The following SCHIP1 variants were observed in gnomAD, a reference collection of about 807,000 sequenced individuals.
The protein encoded by SCHIP1 is schwannomin-interacting protein 1.
A neutral mutation model predicts 29.7 loss-of-function variants in SCHIP1; 8 were observed. The ratio of observed to expected loss-of-function variants is 0.27; its 90% CI spans 0.16 to 0.49. SCHIP1 has a LOEUF of 0.49. SCHIP1 is among the 20% of genes least tolerant of loss of function. SCHIP1 has a pLI of 0.99. For missense variants in SCHIP1, 193 were observed against 294.6 expected, an observed-to-expected ratio of 0.66 and a Z score of 2.52; for synonymous variants, 76 against 94.9, an observed-to-expected ratio of 0.80 and a Z score of 1.16.
chr3:159,523,965 T>C, the SCHIP1 span, among the ~76,000 whole-genome samples: 2 of 152,218 alleles, frequency 1.3e-5, no homozygotes, highest in African/African-American at 2.4e-5. Flanking sequence ...ACAGGCATTC[T>C]AGGCCTTGGT....
At position 159,888,949 on chromosome 3, in the gene SCHIP1, T is replaced by C; in HGVS notation, c.589+6T>C. ...TCTCCATTCCCAGATAGAAAGTAAG[T>C]GTAAGATATGCTTGAAAATAGGATA... On this transcript the variant is annotated splice_donor_region_variant and intron_variant, in intron 5 of 6. Transcript: ENST00000445224. The C allele has an allele frequency of 1.9e-6, 3 of 1,613,028 alleles. No individual in the cohort carries two copies.
chr3:159,452,339 C>G, the SCHIP1 span, among the ~76,000 whole-genome samples: 1 of 151,990 alleles, frequency 6.6e-6, no homozygotes, highest in African/African-American at 2.4e-5. Context: ...TGTGATGTTC[C>G]CCTCCCTGTG....
At chr3:159,460,282 C>T in the SCHIP1 span, among the ~76,000 whole-genome samples, 1 of 152,274 alleles carries the variant, frequency 6.6e-6, no homozygotes, top group Non-Finnish European at 1.5e-5. Flanking sequence ...ATCCAGGACA[C>T]ACCCCTGAGG....
chr3:159,453,127 G>T, the SCHIP1 span, among the ~76,000 whole-genome samples: 2 of 152,184 alleles, frequency 1.3e-5, no homozygotes, highest in Non-Finnish European at 2.9e-5. Context: ...TCCAGTTAGG[G>T]TTTCCCAACC....
chr3:159,576,830 C>T, the SCHIP1 span, among the ~76,000 whole-genome samples: 1 of 152,278 alleles, frequency 6.6e-6, no homozygotes, highest in Non-Finnish European at 1.5e-5. Context: ...CTAAGATAGG[C>T]AACTAACCTG....
the SCHIP1 span, among the ~76,000 whole-genome samples, chr3:159,398,592 G>T: frequency 6.6e-6 from 1 of 152,280 alleles, no homozygotes; most frequent in East Asian, 1.9e-4. Context: ...CTATAATCCT[G>T]GTGGTTCTTT....
the SCHIP1 span, among the ~76,000 whole-genome samples, chr3:159,716,398 C>A: frequency 3.3e-5 from 5 of 152,134 alleles, no homozygotes; most frequent in African/African-American, 1.2e-4. Context: ...TCACACATAA[C>A]AATATTAGCC....
intron 1 of SCHIP1, 52 bp from the exon 3 acceptor site, chr3:159,866,111 T>C: frequency 6.6e-7 from 1 of 1,525,344 alleles, no homozygotes; most frequent in Non-Finnish European, 9.1e-7. Context: ...CTGCCTGTGG[T>C]TGTGCTATAT....
the SCHIP1 span, among the ~76,000 whole-genome samples, chr3:159,517,780 T>G: frequency 6.6e-6 from 1 of 152,172 alleles, no homozygotes; most frequent in South Asian, 2.1e-4. Context: ...ACCAACTGAT[T>G]AACATTCAGT....
At chr3:159,510,775 G>T in the SCHIP1 span, among the ~76,000 whole-genome samples, 2 of 152,220 alleles carry the variant, frequency 1.3e-5, no homozygotes. Flanking sequence ...AGAGGCTGCA[G>T]AACAGTGAAT....
At chr3:159,518,707 TG>T in the SCHIP1 span, among the ~76,000 whole-genome samples, 3 of 152,096 alleles carry the variant, frequency 2.0e-5, no homozygotes, top group African/African-American at 7.2e-5. Context: ...CAGATAGAAA[TG>T]TAGGGGTCAG....
At chr3:159,404,072 C>T in the SCHIP1 span, among the ~76,000 whole-genome samples, 4 of 152,150 alleles carry the variant, frequency 2.6e-5, no homozygotes, top group African/African-American at 9.7e-5. Context: ...CCAGTCCTTG[C>T]AGGATCCATA....
the SCHIP1 span, among the ~76,000 whole-genome samples, chr3:159,382,405 A>G: frequency 3.3e-5 from 5 of 150,830 alleles, no homozygotes; most frequent in African/African-American, 4.9e-5. Context: ...ATGATTTCCA[A>G]TTTCATCCAT....
chr3:159,890,649 C>T (rs1717419224), intron 5 of SCHIP1, among the ~76,000 whole-genome samples: 1 of 152,110 alleles, frequency 6.6e-6, no homozygotes, highest in South Asian at 2.1e-4. Flanking sequence ...GCTATTCTTT[C>T]AAGGACTAAA....
chr3:159,854,283 T>G (rs1275700127), intron 1 of SCHIP1, among the ~76,000 whole-genome samples: 1 of 152,176 alleles, frequency 6.6e-6, no homozygotes, highest in Non-Finnish European at 1.5e-5. Flanking sequence ...ATCACTAACT[T>G]TTTTCCCAGG....
the SCHIP1 span, among the ~76,000 whole-genome samples, chr3:159,555,031 C>T: frequency 6.6e-6 from 1 of 152,120 alleles, no homozygotes; most frequent in East Asian, 1.9e-4. Context: ...CAGCACCACA[C>T]ACACATATTA....
At chr3:159,506,866 G>T in the SCHIP1 span, among the ~76,000 whole-genome samples, 1 of 152,170 alleles carries the variant, frequency 6.6e-6, no homozygotes, top group African/African-American at 2.4e-5. Flanking sequence ...TTTTGTTACT[G>T]TAGCCTTGTA....
chr3:159,442,697 G>T, the SCHIP1 span, among the ~76,000 whole-genome samples: 2 of 152,138 alleles, frequency 1.3e-5, no homozygotes, highest in African/African-American at 4.8e-5. Context: ...CATGGAGGGA[G>T]GTTTGCAGAC....
At chr3:159,688,463 AT>A in the SCHIP1 span, among the ~76,000 whole-genome samples, 1 of 152,122 alleles carries the variant, frequency 6.6e-6, no homozygotes, top group South Asian at 2.1e-4. Context: ...TTTCTGGTAA[AT>A]TTCTTTAAGT....
Sources: allele counts gnomAD v4.1 joint callset (sites outside exome capture counted in the v4.1 genomes callset), GRCh38; gene constraint gnomAD v4.1.1; transcripts MANE v1.5; gene names NCBI Gene and HGNC (gene_info 2026-07-23, HGNC 2026-07-21).